GRID2: variants seen among roughly 807,000 people sequenced by gnomAD.
The protein encoded by GRID2 is glutamate ionotropic receptor delta type subunit 2.
GRID2 carries 33 observed loss-of-function variants against 114.8 expected under a neutral mutation model. The ratio of observed to expected loss-of-function variants is 0.29; its 90% CI spans 0.22 to 0.38. The LOEUF (loss-of-function observed/expected upper bound fraction) is 0.38. GRID2 is among the 10% of genes least tolerant of loss of function. The probability of loss-of-function intolerance (pLI) is 1.00; values close to 1 mark genes in which losing one functional copy is unlikely to be tolerated. For missense variants in GRID2, 1,184 were observed against 1,257.7 expected (o/e 0.94, Z 0.89); for synonymous variants, 505 against 449.9 (o/e 1.12, Z -1.55).
chr4:93,140,124 C>T (rs907999842), intron 4 of GRID2, among the ~76,000 whole-genome samples: 2 of 151,434 alleles, frequency 1.3e-5, no homozygotes, highest in African/African-American at 2.4e-5. Context: ...CCCTTAATCT[C>T]CATTGGAAAC....
intron 2 of GRID2, among the ~76,000 whole-genome samples, chr4:92,972,811 T>C (rs967470069): frequency 7.2e-5 from 11 of 152,218 alleles, no homozygotes; most frequent in Middle Eastern, 3.4e-3. Context: ...TATGTGTTTA[T>C]GTGTTCTCAT....
intron 2 of GRID2, among the ~76,000 whole-genome samples, chr4:92,850,022 ATTATAT>A (rs1312699227): frequency 1.3e-5 from 2 of 151,326 alleles, no homozygotes; most frequent in African/African-American, 2.4e-5. Flanking sequence ...CTTTAAAACA[ATTATAT>A]TTATGGTTCT....
intron 11 of GRID2, among the ~76,000 whole-genome samples, chr4:93,484,498 T>C (rs947900096): frequency 6.6e-6 from 1 of 151,916 alleles, no homozygotes; most frequent in Non-Finnish European, 1.5e-5. Flanking sequence ...CAGAGTTGAA[T>C]TGAGCAAAGA....
chr4:92,361,250 T>A (rs944996244), intron 1 of GRID2, among the ~76,000 whole-genome samples: 1 of 152,026 alleles, frequency 6.6e-6, no homozygotes, highest in African/African-American at 2.4e-5. Flanking sequence ...ATACTTTATT[T>A]AACCTTCGCA....
At chr4:93,184,473 A>G (rs113127412) in intron 4 of GRID2, among the ~76,000 whole-genome samples, 2,118 of 150,360 alleles carry the variant, frequency 0.014, 54 homozygotes, top group African/African-American at 0.05. Flanking sequence ...CTCTGCAACC[A>G]ACAGGATTAG....
intron 5 of GRID2, 23 bp downstream of exon 5, chr4:93,207,480 G>A (rs1742942021): frequency 1.4e-6 from 2 of 1,445,486 alleles, no homozygotes; most frequent in South Asian, 2.3e-5. Context: ...AAACCTTATT[G>A]TTAACTCTGT....
At chr4:92,598,560 C>A (rs1194368559) in intron 2 of GRID2, among the ~76,000 whole-genome samples, 1 of 152,016 alleles carries the variant, frequency 6.6e-6, no homozygotes, top group Non-Finnish European at 1.5e-5. Flanking sequence ...GTTCATAGCC[C>A]ATGGAATTAG....
At chr4:93,552,449 C>T (rs1033065420) in intron 13 of GRID2, among the ~76,000 whole-genome samples, 9 of 152,086 alleles carry the variant, frequency 5.9e-5, no homozygotes, top group African/African-American at 1.4e-4. Context: ...CCTGAAGAAT[C>T]GCCACACTGA....
chr4:92,489,071 C>G (rs1723028923), intron 1 of GRID2, among the ~76,000 whole-genome samples: 3 of 152,012 alleles, frequency 2.0e-5, no homozygotes, highest in African/African-American at 7.3e-5. Flanking sequence ...TGGGTAAGTC[C>G]TCAGAAGACA....
chr4:92,473,714 A>G (rs531612273), intron 1 of GRID2, among the ~76,000 whole-genome samples: 4 of 152,148 alleles, frequency 2.6e-5, no homozygotes, highest in South Asian at 2.1e-4. Context: ...AAAACCATCA[A>G]TAGTGTCAAG....
intron 1 of GRID2, among the ~76,000 whole-genome samples, chr4:92,446,463 A>G (rs1350757645): frequency 1.3e-5 from 2 of 152,160 alleles, no homozygotes; most frequent in Non-Finnish European, 2.9e-5. Flanking sequence ...TACTAATACT[A>G]TCATTTATTT....
At chr4:92,839,275 T>A (rs1347811076) in intron 2 of GRID2, among the ~76,000 whole-genome samples, 1 of 151,916 alleles carries the variant, frequency 6.6e-6, no homozygotes, top group Admixed American at 6.6e-5. Flanking sequence ...AGAGTTCTTT[T>A]TTTTTTTAAT....
At chr4:92,804,695 G>C (rs916021403) in intron 2 of GRID2, among the ~76,000 whole-genome samples, 2 of 151,970 alleles carry the variant, frequency 1.3e-5, no homozygotes, top group Non-Finnish European at 2.9e-5. Flanking sequence ...CTAAAAAGTA[G>C]CAAGTATCGT....
chr4:92,868,066 T>TTCTTTCTTTCTG (rs1407614791), intron 2 of GRID2, among the ~76,000 whole-genome samples: 14 of 123,314 alleles, frequency 1.1e-4, no homozygotes, highest in South Asian at 2.7e-4. Flanking sequence ...CTTTCTTTCT[T>TTCTTTCTTTCTG]TCTGTCTGTC....
chr4:93,333,307 C>G (rs1467110641), intron 8 of GRID2, among the ~76,000 whole-genome samples: 2 of 152,150 alleles, frequency 1.3e-5, no homozygotes, highest in Non-Finnish European at 2.9e-5. Context: ...ACCCTACATA[C>G]TAGGTGATGT....
chr4:92,839,653 C>T (rs1238125542), intron 2 of GRID2, among the ~76,000 whole-genome samples: 1 of 151,528 alleles, frequency 6.6e-6, no homozygotes, highest in Non-Finnish European at 1.5e-5. Flanking sequence ...TTGATATTTA[C>T]TTCTATTTTT....
In GRID2 at chr4:93,055,772, G is replaced by A. The variant is rs140644301; in HGVS notation, c.245-29223G>A. On this transcript the variant is annotated intron_variant, in intron 2 of 15. Transcript: ENST00000282020. The stretch of plus-strand genomic sequence containing the variant: ...AAAAGCATAAAGTGTGTTCTTTTGG[G>A]TAGCATGATCTTAGGACTTTTATAT... 1.7e-3 allele frequency among the ~76,000 whole-genome samples: 254 copies of A among 151,940 alleles called. 1 individual carries two copies. The highest frequency in any genetic ancestry group is 0.01 in the Middle Eastern group (3 of 294).
chr4:93,252,277 G>A (rs1242940437), intron 8 of GRID2, among the ~76,000 whole-genome samples: 2 of 149,852 alleles, frequency 1.3e-5, no homozygotes, highest in Admixed American at 1.3e-4. Flanking sequence ...TCAATTTCCT[G>A]CATATGGCTA....
intron 14 of GRID2, among the ~76,000 whole-genome samples, chr4:93,758,664 C>G (rs1305956536): frequency 6.6e-6 from 1 of 152,112 alleles, no homozygotes; most frequent in African/African-American, 2.4e-5. Context: ...AACTCAGGAT[C>G]TCACTTATTT....
Sources: allele counts gnomAD v4.1 joint callset (sites outside exome capture counted in the v4.1 genomes callset), GRCh38; gene constraint gnomAD v4.1.1; transcripts MANE v1.5; gene names NCBI Gene and HGNC (gene_info 2026-07-23, HGNC 2026-07-21).